MYO1B: variants seen among roughly 807,000 people sequenced by gnomAD.
MYO1B encodes myosin IB, also known as unconventional myosin-Ib.
In MYO1B, 72 loss-of-function variants were observed where a neutral mutation model predicts 159.7. The ratio of observed to expected loss-of-function variants is 0.45; its 90% CI spans 0.37 to 0.55. The LOEUF (loss-of-function observed/expected upper bound fraction) is 0.55, where lower values mean the gene tolerates loss of function less well. Among genes scored for constraint, MYO1B ranks in the 20% least tolerant of loss-of-function variants. The pLI is 0.00. For synonymous variants in MYO1B, 468 were observed against 473.8 expected (o/e 0.99, Z 0.16); for missense variants, 1,062 against 1,364.8 (o/e 0.78, Z 3.50).
intron 1 of MYO1B, among the ~76,000 whole-genome samples, chr2:191,275,858 G>A (rs567612512): frequency 2.6e-5 from 4 of 152,278 alleles, no homozygotes; most frequent in Admixed American, 2.6e-4. Context: ...AGACACATGT[G>A]TGCATACACA....
intron 4 of MYO1B, 79 bp downstream of exon 4, chr2:191,330,108 C>A: frequency 8.1e-7 from 1 of 1,239,192 alleles, no homozygotes; most frequent in Non-Finnish European, 1.2e-6. Context: ...AGTAGGGCCT[C>A]CTTAGCAAGA....
intron 1 of MYO1B, among the ~76,000 whole-genome samples, chr2:191,266,282 A>C (rs984201933): frequency 6.6e-6 from 1 of 152,238 alleles, no homozygotes; most frequent in African/African-American, 2.4e-5. Flanking sequence ...GGAGAAATTC[A>C]TCTAATGAGT....
intron 19 of MYO1B, 68 bp from the exon 20 acceptor site, chr2:191,393,005 A>G: frequency 6.9e-7 from 1 of 1,451,744 alleles, no homozygotes; most frequent in Non-Finnish European, 9.4e-7. Context: ...GTCTCCTGAA[A>G]ATTCCTTTCC....
intron 1 of MYO1B, among the ~76,000 whole-genome samples, chr2:191,246,624 T>C (rs1685810323): frequency 6.6e-6 from 1 of 151,364 alleles, no homozygotes; most frequent in Non-Finnish European, 1.5e-5. Context: ...TGTGTGTGCC[T>C]CTGGGTCTGT....
At chr2:191,402,233 A>G (rs1057020844) in intron 23 of MYO1B, 1 of 198,902 alleles carries the variant, frequency 5.0e-6, no homozygotes, top group Non-Finnish European at 1.0e-5. Flanking sequence ...CTTCAGCCCA[A>G]TGTGCTGTCA....
At chr2:191,247,884 CCCCTT>C in intron 1 of MYO1B, 1 of 972,102 alleles carries the variant, frequency 1.0e-6, no homozygotes, top group Non-Finnish European at 1.2e-6. Flanking sequence ...CAGGCTGTAT[CCCCTT>C]CCCAGGATGA....
At chr2:191,343,977 G>T (rs962474663) in intron 5 of MYO1B, among the ~76,000 whole-genome samples, 2 of 152,160 alleles carry the variant, frequency 1.3e-5, no homozygotes, top group Non-Finnish European at 2.9e-5. Flanking sequence ...AGTGTTTAGG[G>T]TTGTGTTTAG....
intron 27 of MYO1B, 44 bp from the exon 28 acceptor site, chr2:191,414,004 T>G: frequency 6.4e-7 from 1 of 1,551,826 alleles, no homozygotes; most frequent in Non-Finnish European, 8.7e-7. Context: ...AGTGGTACTT[T>G]CATTTGAAAC....
intron 24 of MYO1B, chr2:191,407,736 G>T (rs1206972319): frequency 2.0e-5 from 3 of 153,428 alleles, no homozygotes; most frequent in Non-Finnish European, 4.3e-5. Context: ...CAGTTCTTCA[G>T]ACTTTTTTTT....
At chr2:191,360,511 C>G (rs1693593223) in intron 7 of MYO1B, 120 bp from the exon 8 acceptor site, 1 of 629,642 alleles carries the variant, frequency 1.6e-6, no homozygotes, top group African/African-American at 1.8e-5. Flanking sequence ...ATACAGCTTC[C>G]TTTATTATTT....
intron 1 of MYO1B, among the ~76,000 whole-genome samples, chr2:191,257,532 ATCACTGAAAAG>A (rs1476615702): frequency 6.6e-6 from 1 of 152,218 alleles, no homozygotes; most frequent in Non-Finnish European, 1.5e-5. Flanking sequence ...ATTGATTTTA[ATCACTGAAAAG>A]TTCAGCGAAC....
At chr2:191,371,359 A>G (rs1295643456) in intron 13 of MYO1B, among the ~76,000 whole-genome samples, 2 of 152,156 alleles carry the variant, frequency 1.3e-5, no homozygotes, top group African/African-American at 4.8e-5. Context: ...CCTTTTTCTT[A>G]GTATGTTTTC....
At chr2:191,393,607 ATTGGCTATTCT>A (rs1254507780) in intron 20 of MYO1B, among the ~76,000 whole-genome samples, 2 of 152,204 alleles carry the variant, frequency 1.3e-5, no homozygotes, top group African/African-American at 4.8e-5. Context: ...TTTCAAAGTA[ATTGGCTATTCT>A]TTGGCTATTC....
intron 13 of MYO1B, 113 bp from the exon 14 acceptor site, chr2:191,381,349 A>T: frequency 1.2e-6 from 1 of 820,328 alleles, no homozygotes. Context: ...GGCCACAGTT[A>T]AATCTGAGAG....
At chr2:191,363,582 CGAATCACAGT>C (rs2126017615) in intron 9 of MYO1B, 136 bp from the exon 10 acceptor site, 2 of 1,107,124 alleles carry the variant, frequency 1.8e-6, no homozygotes, top group Admixed American at 3.1e-5. Flanking sequence ...CAGGGTTCCT[CGAATCACAGT>C]TGGAAACCAC....
chr2:191,413,033 G>T (rs1450677600), intron 27 of MYO1B, among the ~76,000 whole-genome samples: 1 of 152,118 alleles, frequency 6.6e-6, no homozygotes, highest in Non-Finnish European at 1.5e-5. Flanking sequence ...TCCATGTGAT[G>T]AGATTATTAT....
intron 21 of MYO1B, among the ~76,000 whole-genome samples, chr2:191,398,417 G>A (rs1467291284): frequency 5.4e-5 from 3 of 55,338 alleles, no homozygotes; most frequent in Non-Finnish European, 1.9e-4. Flanking sequence ...GCCGGGCGGG[G>A]GGCTGACCCC....
At chr2:191,318,532 C>T (rs906171857) in intron 3 of MYO1B, among the ~76,000 whole-genome samples, 1 of 152,196 alleles carries the variant, frequency 6.6e-6, no homozygotes, top group Non-Finnish European at 1.5e-5. Context: ...AGTCTCTGTT[C>T]CGATCCAAGG....
intron 14 of MYO1B, among the ~76,000 whole-genome samples, chr2:191,383,011 A>C (rs187934442): frequency 6.6e-6 from 1 of 152,286 alleles, no homozygotes; most frequent in East Asian, 1.9e-4. Context: ...AGTGAAGTGC[A>C]TGGGAAATTG....
Sources: allele counts gnomAD v4.1 joint callset (sites outside exome capture counted in the v4.1 genomes callset), GRCh38; gene constraint gnomAD v4.1.1; transcripts MANE v1.5; gene names NCBI Gene and HGNC (gene_info 2026-07-23, HGNC 2026-07-21).